F2RL1: variants seen among roughly 807,000 people sequenced by gnomAD.
F2RL1 encodes the protein F2R like trypsin receptor 1.
Under a neutral mutation model 21.7 loss-of-function variants are expected in F2RL1, and 16 were observed. The ratio of observed to expected loss-of-function variants is 0.74; its 90% CI spans 0.50 to 1.12. The LOEUF (loss-of-function observed/expected upper bound fraction) is 1.12. Among genes scored for constraint, F2RL1 ranks in the 50% most tolerant of loss-of-function variants. The pLI is 0.00. For synonymous variants in F2RL1, 181 were observed against 186.7 expected, an observed-to-expected ratio of 0.97 and a Z score of 0.25; for missense variants, 432 against 477.8, an observed-to-expected ratio of 0.90 and a Z score of 0.89.
In F2RL1 at chr5:76,819,158, G is replaced by T. The variant is rs774983118; in HGVS notation, c.-25G>T. 4.5e-6 allele frequency: 7 copies of T among 1,557,204 alleles called. No individual in the cohort carries two copies. Among genetic ancestry groups the T allele is most frequent in the Non-Finnish European group, 8.6e-7 (1 of 1,159,214 alleles). On this transcript the variant is annotated 5_prime_UTR_variant, in exon 1 of 2. Transcript: ENST00000296677. ...ATCGGCGGCGGCGGATTCCCCGCGCGCCCGGCGTCGGGGCTTCCAGGAGGA... is the reference window on the plus strand; with the variant it reads ...ATCGGCGGCGGCGGATTCCCCGCGCTCCCGGCGTCGGGGCTTCCAGGAGGA...
intron 1 of F2RL1, among the ~76,000 whole-genome samples, chr5:76,819,834 G>C (rs1468429731): frequency 6.6e-6 from 1 of 152,060 alleles, no homozygotes; most frequent in Non-Finnish European, 1.5e-5. Flanking sequence ...CTTTCTTCGG[G>C]TTCTGGCCCC....
At position 76,833,767 on chromosome 5, in the gene F2RL1, C is replaced by G; in HGVS notation, c.1160C>G (p.Ser387Cys). The G allele has an allele frequency of 6.2e-7, 1 of 1,614,034 alleles. No homozygotes were observed. Among genetic ancestry groups the G allele is most frequent in the Non-Finnish European group, 8.5e-7 (1 of 1,180,020 alleles). Residue 387 changes from serine to cysteine, a missense_variant, in exon 2 of 2, where the codon TCT becomes TGT. Physicochemically the swap from Ser to Cys is moderately radical, Grantham distance 112. Coordinates refer to ENST00000296677, the MANE Select transcript of F2RL1 (RefSeq NM_005242.6). ...KKHSRKSSSYSSSSTTVKTSY is the reference protein window; with the variant it reads ...KKHSRKSSSYCSSSTTVKTSY ...CACTCCAGGAAATCCAGCTCTTACT[C>G]TTCAAGTTCAACCACTGTTAAGACC...
At chr5:76,827,173 C>T (rs1449591751) in intron 1 of F2RL1, among the ~76,000 whole-genome samples, 1 of 151,358 alleles carries the variant, frequency 6.6e-6, no homozygotes, top group Non-Finnish European at 1.5e-5. Flanking sequence ...GTGGGCTGGG[C>T]ACAGTGCTAT....
At chr5:76,827,220 G>A (rs984375249) in intron 1 of F2RL1, among the ~76,000 whole-genome samples, 1 of 149,898 alleles carries the variant, frequency 6.7e-6, no homozygotes, top group Non-Finnish European at 1.5e-5. Context: ...GGTGGCTCAC[G>A]CCTGTAATCC....
chr5:76,835,251 C>T lies in F2RL1; in HGVS notation c.*1450C>T, dbSNP rs1159551831. 1 of 152,132 alleles carries T rather than the reference C, an allele frequency of 6.6e-6. No homozygotes were observed. Among genetic ancestry groups the T allele is most frequent in the Non-Finnish European group, 1.5e-5 (1 of 68,028 alleles). The allele number at this position is 152,132 out of a possible 1,614,324, so 9.4% of individuals were successfully genotyped here. A position where few individuals can be genotyped will look rare whatever the true frequency, so the allele number is the denominator to read the frequency against. On this transcript the variant is annotated 3_prime_UTR_variant, in exon 2 of 2. Coordinates refer to ENST00000296677, the MANE Select transcript of F2RL1 (RefSeq NM_005242.6). ...CTTTATACAACGATTGTATTTGTGA[C>T]TTTTAAAAATAATTATTTTATTGTG...
Position 76,831,802 on chromosome 5 carries a change from A to G in F2RL1, c.83-888A>G, listed in dbSNP as rs181033636. On this transcript the variant is annotated intron_variant, in intron 1 of 1. Coordinates refer to ENST00000296677, the MANE Select transcript of F2RL1 (RefSeq NM_005242.6). Reference sequence around the variant, plus strand: ...CTTAGCCTCCCAAAGTGCTGAGATTACACGCATGAGCCACCATGCCCAGCC... The same window carrying G: ...CTTAGCCTCCCAAAGTGCTGAGATTGCACGCATGAGCCACCATGCCCAGCC... 8.5e-5 allele frequency among the ~76,000 whole-genome samples: 13 copies of G among 152,250 alleles called. No homozygotes were observed. In the East Asian group the frequency reaches 2.5e-3, roughly 29 times the overall value.
chr5:76,819,261 C>T lies in F2RL1; in HGVS notation c.79C>T (p.Gln27Ter), dbSNP rs776894448. Residue 27 changes from glutamine (Q) to a stop codon, truncating the protein, a stop_gained, in exon 1 of 2, where the codon CAA becomes TAA. Coordinates refer to ENST00000296677, the MANE Select transcript of F2RL1 (RefSeq NM_005242.6). LOFTEE classifies it high-confidence loss of function. ...AASLSCSGTI[Q>*]GTSRSSKGRS... ...CTCTCTCTCCTGCAGTGGCACCATC[C>T]AAGGTGAGAAACCTGGCCAAGGAGG... 5 of 1,589,824 alleles carry T rather than the reference C, an allele frequency of 3.1e-6. No homozygotes were observed. The highest frequency in any genetic ancestry group is 1.7e-6 in the Non-Finnish European group (2 of 1,176,790).
chr5:76,833,274 A>G lies in F2RL1; in HGVS notation c.667A>G (p.Ile223Val), dbSNP rs754125911. ...KQTIFIPALN[I>V]TTCHDVLPEQ... ...GACCATCTTCATTCCTGCCCTGAAC[A>G]TCACGACCTGTCATGATGTTTTGCC... The change falls in exon 2 of 2, where the codon ATC becomes GTC. Residue 223 changes from isoleucine (I) to valine (V), a missense_variant. Physicochemically the swap from Ile to Val is conservative, Grantham distance 29. Coordinates refer to ENST00000296677, the MANE Select transcript of F2RL1 (RefSeq NM_005242.6). 11 of 1,612,958 alleles carry G rather than the reference A, an allele frequency of 6.8e-6. No individual in the cohort carries two copies. The highest frequency in any genetic ancestry group is 2.2e-5 in the East Asian group (1 of 44,752).
chr5:76,826,814 A>G (rs756389744), intron 1 of F2RL1, among the ~76,000 whole-genome samples: 5 of 151,926 alleles, frequency 3.3e-5, no homozygotes, highest in Non-Finnish European at 7.4e-5. Context: ...TTGTATGGAT[A>G]TACTGCTTTT....
chr5:76,826,865 ACTTTTTTTTC>A (rs1750249171), intron 1 of F2RL1, among the ~76,000 whole-genome samples: 1 of 150,502 alleles, frequency 6.6e-6, no homozygotes. Flanking sequence ...GATTGTTTCC[ACTTTTTTTTC>A]CTTTTTTTGA....
intron 1 of F2RL1, among the ~76,000 whole-genome samples, chr5:76,822,959 T>C (rs949644972): frequency 6.6e-6 from 1 of 152,048 alleles, no homozygotes; most frequent in Admixed American, 6.6e-5. Flanking sequence ...AGGCCAAGCG[T>C]GGTGGCTCAC....
In F2RL1 at chr5:76,832,899, T is replaced by C. The variant is rs1003568019; in HGVS notation, c.292T>C (p.Trp98Arg). The change falls in exon 2 of 2, where the codon TGG becomes CGG. Residue 98 changes from tryptophan to arginine, a missense_variant. By Grantham distance (101) the Trp-to-Arg change is moderately radical. Transcript: ENST00000296677. ...VGLPSNGMAL[W>R]VFLFRTKKKH... ...TTTGCCAAGTAACGGCATGGCCCTG[T>C]GGGTCTTTCTTTTCCGAACTAAGAA... is the stretch of plus-strand genomic sequence containing the variant. 15 of 1,614,242 alleles carry C rather than the reference T, an allele frequency of 9.3e-6. No individual in the cohort carries two copies. Among genetic ancestry groups the C allele is most frequent in the Non-Finnish European group, 1.3e-5 (15 of 1,180,052 alleles).
intron 1 of F2RL1, 81 bp from the exon 2 acceptor site, chr5:76,832,609 A>G: frequency 2.3e-6 from 3 of 1,321,218 alleles, no homozygotes; most frequent in Non-Finnish European, 2.1e-6. Context: ...GAATAAATGA[A>G]TGTACTTTCA....
chr5:76,832,305 T>C (rs1252406300), intron 1 of F2RL1, among the ~76,000 whole-genome samples: 3 of 152,202 alleles, frequency 2.0e-5, no homozygotes, highest in Admixed American at 6.5e-5. Flanking sequence ...TGTTTTCATC[T>C]AAAGTACTTT....
chr5:76,822,752 T>C (rs2243014), intron 1 of F2RL1, among the ~76,000 whole-genome samples: 1,826 of 152,130 alleles, frequency 0.012, 48 homozygotes, highest in African/African-American at 0.042. Context: ...CACCCCACAA[T>C]TGAAACCTTT....
Position 76,833,911 on chromosome 5 carries a change from T to C in F2RL1, c.*110T>C. 1 of 1,194,094 alleles carries C rather than the reference T, an allele frequency of 8.4e-7. No homozygotes were observed. The highest frequency in any genetic ancestry group is 1.2e-6 in the Non-Finnish European group (1 of 850,540). The allele number at this position is 1,194,094 out of a possible 1,614,324, so 74.0% of individuals were successfully genotyped here. ...CAAAAAGGTCTCACCACATACCATG[T>C]GGATGCAGCACCTCTCAGGATTGCT... On this transcript the variant is annotated 3_prime_UTR_variant, in exon 2 of 2. Transcript: ENST00000296677.
In F2RL1 at chr5:76,833,129, T is replaced by C; in HGVS notation, c.522T>C (p.Tyr174=). ...LFMTCLSVQR[Y]WVIVNPMGHS... ...TGACCTGCCTCAGTGTGCAGAGGTA[T>C]TGGGTCATCGTGAACCCCATGGGGC... Residue 174 remains tyrosine (Y), a synonymous_variant, in exon 2 of 2, where the codon TAT becomes TAC. Coordinates refer to ENST00000296677, the MANE Select transcript of F2RL1 (RefSeq NM_005242.6). 6.2e-7 allele frequency: 1 copy of C among 1,614,220 alleles called. No homozygotes were observed. The highest frequency in any genetic ancestry group is 8.5e-7 in the Non-Finnish European group (1 of 1,180,042).
At position 76,832,830 on chromosome 5, in the gene F2RL1, A is replaced by ACTGT. The variant is rs1254292211; in HGVS notation, c.226_229dup (p.Phe77CysfsTer18). The ACTGT allele has an allele frequency of 2.5e-6, 4 of 1,614,056 alleles. No individual in the cohort carries two copies. The highest frequency in any genetic ancestry group is 3.4e-6 in the Non-Finnish European group (4 of 1,180,036). On this transcript the variant is annotated frameshift_variant, in exon 2 of 2. Coordinates refer to ENST00000296677, the MANE Select transcript of F2RL1 (RefSeq NM_005242.6). LOFTEE classifies it high-confidence loss of function. ...ATCTGTCCTCACTGGAAAACTGACC[A>ACTGT]CTGTCTTCCTTCCAATTGTCTACAC...
chr5:76,824,219 A>G (rs973084232), intron 1 of F2RL1, among the ~76,000 whole-genome samples: 1 of 122,912 alleles, frequency 8.1e-6, no homozygotes, highest in African/African-American at 3.1e-5. Flanking sequence ...GCTGGAGTGC[A>G]GTGGCAGGAT....
Sources: gnomAD v4.1 joint callset for allele counts (sites outside exome capture counted in the v4.1 genomes callset) on GRCh38, gnomAD v4.1.1 for gene constraint, MANE v1.5 for transcripts, NCBI Gene and HGNC (gene_info 2026-07-23, HGNC 2026-07-21) for gene names.